WDFY4: variants seen among roughly 807,000 people sequenced by gnomAD.
The protein encoded by WDFY4 is WDFY family member 4, also known as WD repeat- and FYVE domain-containing protein 4.
WDFY4 carries 169 observed loss-of-function variants against 351.9 expected under a neutral mutation model. The ratio of observed to expected loss-of-function variants is 0.48; its 90% confidence interval spans 0.42 to 0.55. The LOEUF is 0.55. Ranked by LOEUF, WDFY4 falls within the 20% of genes least tolerant of loss-of-function variation. The pLI is 0.00. For synonymous variants in WDFY4, 1,622 were observed against 1,574.6 expected, an observed-to-expected ratio of 1.03 and a Z score of -0.71; for missense variants, 3,803 against 3,935.6, an observed-to-expected ratio of 0.97 and a Z score of 0.90.
At chr10:48,701,409 A>G (rs61838424) in intron 1 of WDFY4, among the ~76,000 whole-genome samples, 2,115 of 152,240 alleles carry the variant, frequency 0.014, 16 homozygotes, top group Admixed American at 0.022. Flanking sequence ...CCCACTTTCA[A>G]TTCTTTTGGG....
At chr10:48,810,480 T>C in intron 28 of WDFY4, 50 bp from the exon 29 acceptor site, 1 of 1,498,810 alleles carries the variant, frequency 6.7e-7, no homozygotes, top group Non-Finnish European at 8.9e-7. Flanking sequence ...TCTGGACATG[T>C]CACTCGCTCA....
chr10:48,825,070 C>G (rs946547643), intron 35 of WDFY4, among the ~76,000 whole-genome samples: 2 of 152,124 alleles, frequency 1.3e-5, no homozygotes, highest in Non-Finnish European at 2.9e-5. Context: ...AGGTATTAAG[C>G]CCAGCATGAA....
chr10:48,688,719 C>G (rs946988517), intron 1 of WDFY4, among the ~76,000 whole-genome samples: 4 of 152,120 alleles, frequency 2.6e-5, no homozygotes, highest in African/African-American at 9.7e-5. Context: ...TGCAATAACC[C>G]AGGCTAGAGG....
intron 51 of WDFY4, among the ~76,000 whole-genome samples, chr10:48,956,017 A>C (rs1001354056): frequency 2.0e-5 from 3 of 152,190 alleles, no homozygotes; most frequent in Non-Finnish European, 2.9e-5. Flanking sequence ...CCCAAGGCTC[A>C]ATTTCAGAAA....
At chr10:48,964,361 A>G (rs1841987840) in intron 54 of WDFY4, among the ~76,000 whole-genome samples, 1 of 152,246 alleles carries the variant, frequency 6.6e-6, no homozygotes, top group Non-Finnish European at 1.5e-5. Context: ...GTTGTATCCA[A>G]TGACTTAAGA....
Position 48,743,348 on chromosome 10 carries a change from C to G in WDFY4, c.2259C>G (p.Ser753Arg), listed in dbSNP as rs1196161370. The change falls in exon 12 of 62, where the codon AGC becomes AGG. Residue 753 changes from serine (S) to arginine (R), a missense_variant. By Grantham distance (110) the Ser-to-Arg change is moderately radical (BLOSUM62 -1). This residue lies in a region of WDFY4 where 3,054 missense variants were observed against 3,148.6 expected (regional missense o/e 0.97). Transcript: ENST00000325239. ...ADLLGTAFSS[S>R]GSLPPRIQSC... ...TGCTGGGCACTGCCTTTTCCTCCAG[C>G]GGCTCACTCCCACCCCGGATACAGA... 1.3e-6 allele frequency: 2 copies of G among 1,551,600 alleles called. No individual in the cohort carries two copies. Among genetic ancestry groups the G allele is most frequent in the East Asian group, 4.9e-5 (2 of 40,918 alleles).
In WDFY4 at chr10:48,743,256, G is replaced by A. The variant is rs1209492191; in HGVS notation, c.2167G>A (p.Ala723Thr). 3.2e-6 allele frequency: 5 copies of A among 1,551,606 alleles called. No individual in the cohort carries two copies. Among genetic ancestry groups the A allele is most frequent in the Middle Eastern group, 1.7e-4 (1 of 6,014 alleles). Reference protein sequence around the residue: ...EDLCLLGCFGALEEEGNLLRS... With the variant: ...EDLCLLGCFGTLEEEGNLLRS... ...CCTCTGCCTGCTGGGCTGTTTTGGA[G>A]CCCTGGAGGAAGAGGGCAACCTGCT... is the stretch of plus-strand genomic sequence containing the variant. Residue 723 changes from alanine (A) to threonine (T), a missense_variant, in exon 12 of 62, where the codon GCC becomes ACC. This residue lies in a region of WDFY4 where 3,054 missense variants were observed against 3,148.6 expected (regional missense o/e 0.97). Coordinates refer to ENST00000325239, the MANE Select transcript of WDFY4 (RefSeq NM_001394531.1).
intron 11 of WDFY4, 56 bp downstream of exon 11, chr10:48,736,126 C>T: frequency 6.5e-7 from 1 of 1,542,200 alleles, no homozygotes; most frequent in Non-Finnish European, 8.8e-7. Flanking sequence ...ACCAAGCGAT[C>T]CACATTTGCT....
chr10:48,877,280 G>T (rs536814882), intron 43 of WDFY4, 81 bp downstream of exon 43: 5 of 1,315,232 alleles, frequency 3.8e-6, no homozygotes, highest in East Asian at 2.6e-5. Context: ...CCAAGCTTTC[G>T]CCACTTACAT....
intron 9 of WDFY4, 75 bp downstream of exon 9, chr10:48,731,637 G>T (rs2064464170): frequency 6.2e-6 from 9 of 1,451,488 alleles, no homozygotes; most frequent in Non-Finnish European, 8.2e-6. Flanking sequence ...CAATCTGGCT[G>T]CCCATCAAAT....
At chr10:48,913,381 T>C in intron 47 of WDFY4, 2 of 1,606,816 alleles carry the variant, frequency 1.2e-6, no homozygotes, top group South Asian at 1.1e-5. Context: ...CAGGGTCAGG[T>C]TCCAAGTCAC....
chr10:48,909,998 A>G, intron 47 of WDFY4: 3 of 538,256 alleles, frequency 5.6e-6, no homozygotes, highest in Non-Finnish European at 6.6e-6. Context: ...ATTTTTTTCT[A>G]TATACATTTT....
At chr10:48,687,102 T>G (rs1295084380) in intron 1 of WDFY4, among the ~76,000 whole-genome samples, 1 of 152,206 alleles carries the variant, frequency 6.6e-6, no homozygotes, top group Non-Finnish European at 1.5e-5. Flanking sequence ...TTAATTTGCA[T>G]TGACCAAATT....
chr10:48,756,638 T>C (rs574890453), intron 12 of WDFY4, among the ~76,000 whole-genome samples: 1 of 152,128 alleles, frequency 6.6e-6, no homozygotes, highest in Non-Finnish European at 1.5e-5. Context: ...AACAATTCCT[T>C]TGAATTTACT....
Position 48,796,353 on chromosome 10 carries a change from A to T in WDFY4, c.4313A>T (p.Gln1438Leu), listed in dbSNP as rs1473054252. The change falls in exon 24 of 62, where the codon CAG (glutamine) becomes CTG (leucine). Residue 1438 changes from glutamine (Q) to leucine (L), a missense_variant. By Grantham distance (113) the Gln-to-Leu change is moderately radical (BLOSUM62 -2). Transcript: ENST00000325239. ...KASLLNHRIF[Q>L]LILSVAGTVE... ...TCTCTCCTGAACCATCGAATTTTTCAGCTGATCCTCTCAGTGGCTGGCACT... is the reference window on the plus strand; with the variant it reads ...TCTCTCCTGAACCATCGAATTTTTCTGCTGATCCTCTCAGTGGCTGGCACT... 3.9e-6 allele frequency: 6 copies of T among 1,552,258 alleles called. No individual in the cohort carries two copies. The highest frequency in any genetic ancestry group is 5.2e-6 in the Non-Finnish European group (6 of 1,147,132).
At chr10:48,741,282 T>C (rs1409255605) in intron 11 of WDFY4, among the ~76,000 whole-genome samples, 1 of 152,012 alleles carries the variant, frequency 6.6e-6, no homozygotes, top group Non-Finnish European at 1.5e-5. Context: ...CACATTCTAT[T>C]GTTTCAAATA....
chr10:48,873,386 A>G (rs2069859881), intron 40 of WDFY4, 105 bp from the exon 41 acceptor site: 9 of 1,295,612 alleles, frequency 6.9e-6, no homozygotes, highest in South Asian at 1.6e-5. Context: ...ATCTTTCTCA[A>G]ACATTCATGG....
At chr10:48,967,659 C>T (rs1319449433) in intron 55 of WDFY4, 2 of 152,196 alleles carry the variant, frequency 1.3e-5, no homozygotes, top group Non-Finnish European at 2.9e-5. Context: ...CCCAACCAGC[C>T]CAGGAGGGAG....
At chr10:48,870,518 CT>C (rs773521058) in intron 40 of WDFY4, among the ~76,000 whole-genome samples, 27 of 151,092 alleles carry the variant, frequency 1.8e-4, no homozygotes, top group Non-Finnish European at 3.5e-4. Context: ...GCTTTCTAGC[CT>C]TCTAGCCTGT....
Sources: gnomAD v4.1 joint callset for allele counts (sites outside exome capture counted in the v4.1 genomes callset) on GRCh38, gnomAD v4.1.1 for gene constraint, gnomAD v4.1.1 regional missense constraint, MANE v1.5 for transcripts, NCBI Gene and HGNC (gene_info 2026-07-23, HGNC 2026-07-21) for gene names.